The following ZNF99 variants were observed in gnomAD, a reference collection of about 807,000 sequenced individuals.
ZNF99 encodes the protein zinc finger protein 99, also known as zinc finger protein ENSP00000375192.
In ZNF99, 8 loss-of-function variants were observed where a neutral mutation model predicts 12.8. That is an observed-to-expected ratio of 0.62 (90% CI 0.37 to 1.13). The LOEUF is 1.13. ZNF99 is among the 50% of genes most tolerant of loss of function. ZNF99 has a pLI of 0.02. For missense variants in ZNF99, 1,007 were observed against 1,006.2 expected (o/e 1.00, Z -0.01); for synonymous variants, 318 against 319.0 (o/e 1.00, Z 0.03).
At chr19:22,776,420 T>G (rs1488863861) in intron 1 of ZNF99, among the ~76,000 whole-genome samples, 5 of 14,700 alleles carry the variant, frequency 3.4e-4, no homozygotes, top group African/African-American at 1.4e-3. Context: ...TATATATATA[T>G]ATATATATAT....
Position 22,758,010 on chromosome 19 carries a change from G to C in ZNF99, c.1899C>G (p.Ser633=). Residue 633 remains serine, a synonymous_variant, in exon 4 of 4, where the codon TCC becomes TCG. Transcript: ENST00000596209. The part of the protein sequence containing the change: ...CEECGKAFSQ[S]STLRKHEIIH... ...TTATCTCATGTTTTCTAAGGGTTGAGGACTGGCTAAAAGCTTTGCCACATT... is the reference window on the plus strand; with the variant it reads ...TTATCTCATGTTTTCTAAGGGTTGACGACTGGCTAAAAGCTTTGCCACATT... 2 of 1,611,190 alleles carry C rather than the reference G, an allele frequency of 1.2e-6. No individual in the cohort carries two copies. Among genetic ancestry groups the C allele is most frequent in the Non-Finnish European group, 1.7e-6 (2 of 1,178,430 alleles).
At position 22,759,663 on chromosome 19, in the gene ZNF99, T is replaced by C. The variant is rs762046090; in HGVS notation, c.246A>G (p.Thr82=). ...TKPPVISSHF[T]QDFWPDQSIK... ...TGCTCTGATCTGGCCAAAAGTCTTG[T>C]GTAAAATGAGAACTAATAACTGGAA... Residue 82 remains threonine (T), a synonymous_variant, in exon 4 of 4, where the codon ACA becomes ACG. Transcript: ENST00000596209. 8 of 1,546,138 alleles carry C rather than the reference T, an allele frequency of 5.2e-6. No homozygotes were observed. The highest frequency in any genetic ancestry group is 1.3e-5 in the South Asian group (1 of 78,430).
intron 1 of ZNF99, among the ~76,000 whole-genome samples, chr19:22,780,404 T>C (rs1973374336): frequency 6.6e-6 from 1 of 152,200 alleles, no homozygotes; most frequent in African/African-American, 2.4e-5. Context: ...TTAAAAATCA[T>C]GTAGTAGGCC....
intron 3 of ZNF99, among the ~76,000 whole-genome samples, chr19:22,762,307 T>C (rs1262066961): frequency 6.6e-6 from 1 of 151,970 alleles, no homozygotes; most frequent in Non-Finnish European, 1.5e-5. Context: ...ATGGGAGATA[T>C]TACAACTGAC....
chr19:22,762,207 C>A (rs1415309770), intron 3 of ZNF99, among the ~76,000 whole-genome samples: 1 of 151,944 alleles, frequency 6.6e-6, no homozygotes, highest in Non-Finnish European at 1.5e-5. Context: ...AAAAACCTGG[C>A]TCTTTAAAAC....
At chr19:22,773,345 C>T (rs1388647874) in intron 1 of ZNF99, among the ~76,000 whole-genome samples, 2 of 152,166 alleles carry the variant, frequency 1.3e-5, no homozygotes, top group African/African-American at 2.4e-5. Flanking sequence ...AGACATAAAA[C>T]TGTTGTATTA....
At chr19:22,763,256 C>T (rs1450631906) in intron 3 of ZNF99, among the ~76,000 whole-genome samples, 1 of 152,048 alleles carries the variant, frequency 6.6e-6, no homozygotes, top group Middle Eastern at 3.2e-3. Flanking sequence ...CAAGAAAGCT[C>T]CTAGAAGTGA....
chr19:22,783,971 C>A, intron 1 of ZNF99, 43 bp downstream of exon 1: 1 of 1,613,652 alleles, frequency 6.2e-7, no homozygotes. Flanking sequence ...CGGTTCCAGT[C>A]AGCCCCTTCC....
chr19:22,772,872 C>A (rs1568387100), intron 1 of ZNF99, among the ~76,000 whole-genome samples: 1 of 152,098 alleles, frequency 6.6e-6, no homozygotes, highest in Non-Finnish European at 1.5e-5. Flanking sequence ...GTGTTCCCTG[C>A]ACATCTGTGG....
In ZNF99 at chr19:22,757,957, C is replaced by T; in HGVS notation, c.1952G>A (p.Cys651Tyr). ...CTTAAAAGCTTTACCACATTCTTCA[C>T]ATTTGTAGGGTTTCTCTCCAGTATG... ...IIHTGEKPYK[C>Y]EECGKAFKWS... The change falls in exon 4 of 4, where the codon TGT becomes TAT. Residue 651 changes from cysteine to tyrosine, a missense_variant. By Grantham distance (194) the Cys-to-Tyr change is radical (BLOSUM62 -2). Coordinates refer to ENST00000596209, the MANE Select transcript of ZNF99 (RefSeq NM_001080409.3). The T allele has an allele frequency of 1.2e-6, 2 of 1,613,168 alleles. No homozygotes were observed. Among genetic ancestry groups the T allele is most frequent in the Non-Finnish European group, 1.7e-6 (2 of 1,179,656 alleles).
Position 22,757,474 on chromosome 19 carries a change from G to A in ZNF99, c.2435C>T (p.Thr812Ile). Residue 812 changes from threonine (T) to isoleucine (I), a missense_variant, in exon 4 of 4, where the codon ACT becomes ATT. Transcript: ENST00000596209. ...TTCACATTTGTAGGATTTCTCTCCAGTATGAATTATCTCATGTTTTCTAAG... is the reference window on the plus strand; with the variant it reads ...TTCACATTTGTAGGATTTCTCTCCAATATGAATTATCTCATGTTTTCTAAG... ...STLRKHEIIH[T>I]GEKSYKCEEC... 1 of 1,610,376 alleles carries A rather than the reference G, an allele frequency of 6.2e-7. No homozygotes were observed. The highest frequency in any genetic ancestry group is 1.7e-5 in the Admixed American group (1 of 59,878).
intron 3 of ZNF99, among the ~76,000 whole-genome samples, chr19:22,765,797 AAC>A (rs1375951969): frequency 6.6e-6 from 1 of 152,026 alleles, no homozygotes; most frequent in Non-Finnish European, 1.5e-5. Context: ...TCAGCCCCAA[AAC>A]AGAGTGAGAC....
At chr19:22,775,075 TG>T (rs1973311417) in intron 1 of ZNF99, among the ~76,000 whole-genome samples, 1 of 152,142 alleles carries the variant, frequency 6.6e-6, no homozygotes, top group African/African-American at 2.4e-5. Flanking sequence ...AAAATTCATA[TG>T]GAACCATAAA....
chr19:22,756,523 C>T lies in ZNF99; in HGVS notation c.*791G>A, dbSNP rs773612387. On this transcript the variant is annotated 3_prime_UTR_variant, in exon 4 of 4. Coordinates refer to ENST00000596209, the MANE Select transcript of ZNF99 (RefSeq NM_001080409.3). ...TGAGAAATGGCTAAAAGCTTTGCCA[C>T]GTTCTTCACATTTGTAGGGTTTCTC... 2.6e-5 allele frequency: 41 copies of T among 1,595,848 alleles called. 3 individuals are homozygous for T. Among genetic ancestry groups the T allele is most frequent in the South Asian group, 1.7e-4 (15 of 90,802 alleles).
chr19:22,783,938 G>T, intron 1 of ZNF99, 76 bp downstream of exon 1: 1 of 1,594,526 alleles, frequency 6.3e-7, no homozygotes, highest in Non-Finnish European at 8.6e-7. Context: ...GGAGGCCTGA[G>T]TCCCGCCACA....
At chr19:22,783,908 G>A (rs2145164939) in intron 1 of ZNF99, 106 bp downstream of exon 1, 1 of 1,436,538 alleles carries the variant, frequency 7.0e-7, no homozygotes. Flanking sequence ...TCGGGGCGCA[G>A]ACTGTGGAGC....
At chr19:22,779,607 C>T (rs1409192468) in intron 1 of ZNF99, among the ~76,000 whole-genome samples, 1 of 152,100 alleles carries the variant, frequency 6.6e-6, no homozygotes, top group East Asian at 1.9e-4. Context: ...CTTAATCAAA[C>T]ATTACTTATT....
rs1599439654 is a variant in ZNF99 at position 22,757,199 on chromosome 19, T to G, written c.*115A>C. The G allele has an allele frequency of 1.2e-6, 2 of 1,612,982 alleles. No individual in the cohort carries two copies. The highest frequency in any genetic ancestry group is 1.1e-5 in the South Asian group (1 of 90,892). ...CTGCTTAAAAGCTTTGCCACATTCTTCACATTTGTATGGTTTCTTCCCAGT... is the reference window on the plus strand; with the variant it reads ...CTGCTTAAAAGCTTTGCCACATTCTGCACATTTGTATGGTTTCTTCCCAGT... On this transcript the variant is annotated 3_prime_UTR_variant, in exon 4 of 4. Coordinates refer to ENST00000596209, the MANE Select transcript of ZNF99 (RefSeq NM_001080409.3).
chr19:22,759,501 A>T lies in ZNF99; in HGVS notation c.408T>A (p.Cys136Ter). The change falls in exon 4 of 4, where the codon TGT becomes TGA. Residue 136 changes from cysteine (C) to a stop codon, truncating the protein, a stop_gained. Transcript: ENST00000596209. LOFTEE classifies it low-confidence loss of function (END_TRUNC). ...HEEAYNKLNQ[C>*]WTTTQGKIFQ... ...ATATTTTTCCCTGGGTAGTTGTCCA[A>T]CATTGGTTAAGTTTATTATAAGCTT... 6.2e-7 allele frequency: 1 copy of T among 1,608,166 alleles called. No homozygotes were observed.
Sources: allele counts gnomAD v4.1 joint callset (sites outside exome capture counted in the v4.1 genomes callset), GRCh38; gene constraint gnomAD v4.1.1; transcripts MANE v1.5; gene names NCBI Gene and HGNC (gene_info 2026-07-23, HGNC 2026-07-21).